The following PALD1 variants were observed in gnomAD, a reference collection of about 807,000 sequenced individuals.
PALD1 encodes the protein phosphatase domain containing paladin 1.
PALD1 carries 57 observed loss-of-function variants against 96.0 expected under a neutral mutation model. The observed-to-expected ratio is 0.59, with a 90% CI of 0.48 to 0.74. The LOEUF is 0.74. Among genes scored for constraint, PALD1 ranks in the 30% least tolerant of loss-of-function variants. PALD1 has a pLI of 0.00. For missense variants in PALD1, 1,063 were observed against 1,143.7 expected (o/e 0.93, Z 1.02); for synonymous variants, 464 against 473.6 (o/e 0.98, Z 0.26).
In PALD1 at chr10:70,512,297, A is replaced by AT. The variant is rs554442407; in HGVS notation, c.-29-13621dup. ...TTCTGGGGGATGAAGGCATTGTGAG[A>AT]TTTTTGATTAAATCTGGGCCATTTC... On this transcript the variant is annotated intron_variant, in intron 1 of 19. Transcript: ENST00000263563. Among the ~76,000 whole-genome samples, 230 of 152,284 alleles carry AT rather than the reference A, an allele frequency of 1.5e-3. 1 individual carries two copies. Among genetic ancestry groups the AT allele is most frequent in the African/African-American group, 5.0e-3 (209 of 41,544 alleles).
intron 1 of PALD1, among the ~76,000 whole-genome samples, chr10:70,508,261 A>G (rs1846434108): frequency 1.3e-5 from 2 of 152,154 alleles, no homozygotes; most frequent in Admixed American, 6.5e-5. Flanking sequence ...AGACTGCAAA[A>G]CACCCTGCTC....
At chr10:70,558,221 C>T (rs1261703079) in intron 18 of PALD1, among the ~76,000 whole-genome samples, 1 of 152,054 alleles carries the variant, frequency 6.6e-6, no homozygotes, top group African/African-American at 2.4e-5. Context: ...GAGTCCAGGT[C>T]TTCAAGCATG....
At chr10:70,529,464 C>G in intron 3 of PALD1, 133 bp downstream of exon 3, 1 of 620,046 alleles carries the variant, frequency 1.6e-6, no homozygotes. Context: ...ACGGGCAGGG[C>G]CCTAGGATGG....
At chr10:70,490,227 C>G (rs548928057) in intron 1 of PALD1, among the ~76,000 whole-genome samples, 27 of 152,064 alleles carry the variant, frequency 1.8e-4, no homozygotes, top group African/African-American at 6.5e-4. Flanking sequence ...CTGGCCCTCT[C>G]TCTCTCTCTC....
At chr10:70,464,127 T>C in the PALD1 span, among the ~76,000 whole-genome samples, 1 of 152,096 alleles carries the variant, frequency 6.6e-6, no homozygotes, top group Admixed American at 6.6e-5. Flanking sequence ...CTTCTGGCCT[T>C]GATGATTGTC....
At chr10:70,552,039 C>T (rs1847491158) in intron 18 of PALD1, among the ~76,000 whole-genome samples, 1 of 152,232 alleles carries the variant, frequency 6.6e-6, no homozygotes, top group Non-Finnish European at 1.5e-5. Flanking sequence ...TCGCCACTCA[C>T]CTAGGCTGTG....
At chr10:70,551,850 G>T (rs1037115328) in intron 18 of PALD1, among the ~76,000 whole-genome samples, 1 of 152,210 alleles carries the variant, frequency 6.6e-6, no homozygotes, top group Non-Finnish European at 1.5e-5. Flanking sequence ...TGCACAGCAA[G>T]AATAAGGACA....
At chr10:70,480,998 C>T (rs1182808770) in intron 1 of PALD1, among the ~76,000 whole-genome samples, 2 of 152,186 alleles carry the variant, frequency 1.3e-5, no homozygotes, top group Admixed American at 6.5e-5. Context: ...GCGTGGGCCA[C>T]GTATGGGCTG....
At chr10:70,525,363 T>C (rs933507709) in intron 1 of PALD1, among the ~76,000 whole-genome samples, 2 of 152,164 alleles carry the variant, frequency 1.3e-5, no homozygotes, top group African/African-American at 4.8e-5. Flanking sequence ...GTATTTTCTT[T>C]GAACACTTGA....
chr10:70,551,490 C>A (rs2132423161), intron 18 of PALD1, among the ~76,000 whole-genome samples: 1 of 152,264 alleles, frequency 6.6e-6, no homozygotes, highest in East Asian at 1.9e-4. Context: ...TGTTCTAGGA[C>A]CAGTCCACAT....
Position 70,488,417 on chromosome 10 carries a change from G to A in PALD1, c.-30+9358G>A, listed in dbSNP as rs191975806. ...ATTACAGGCGTAAGCCACCATGCCT[G>A]GCCTAAAATAATCTTCACAAAATAT... On this transcript the variant is annotated intron_variant, in intron 1 of 19. Transcript: ENST00000263563. Among the ~76,000 whole-genome samples the A allele has an allele frequency of 2.0e-4, 30 of 152,266 alleles. 1 individual carries two copies. In the East Asian group the frequency reaches 5.2e-3, roughly 26 times the overall value.
intron 19 of PALD1, among the ~76,000 whole-genome samples, chr10:70,564,808 C>T (rs1238591419): frequency 6.6e-6 from 1 of 152,216 alleles, no homozygotes; most frequent in Non-Finnish European, 1.5e-5. Flanking sequence ...AGCAGGGCAG[C>T]CTCTGGGGGT....
intron 1 of PALD1, among the ~76,000 whole-genome samples, chr10:70,492,138 T>A (rs1846108956): frequency 6.6e-6 from 1 of 152,250 alleles, no homozygotes; most frequent in South Asian, 2.1e-4. Context: ...CTTGGTCATA[T>A]GGTAAGTCTT....
At chr10:70,505,184 C>A (rs560537789) in intron 1 of PALD1, among the ~76,000 whole-genome samples, 1 of 152,248 alleles carries the variant, frequency 6.6e-6, no homozygotes, top group South Asian at 2.1e-4. Flanking sequence ...GGGTGACACA[C>A]GCTTTCCAAA....
chr10:70,508,847 G>A (rs1564690597), intron 1 of PALD1, among the ~76,000 whole-genome samples: 13 of 132,256 alleles, frequency 9.8e-5, no homozygotes, highest in South Asian at 5.2e-4. Flanking sequence ...CGGAACCTGT[G>A]TGTGTGTGTG....
chr10:70,519,572 T>G (rs1397665269), intron 1 of PALD1, among the ~76,000 whole-genome samples: 2 of 141,426 alleles, frequency 1.4e-5, no homozygotes, highest in Admixed American at 6.8e-5. Context: ...TTTCTTTCTT[T>G]CTTTTTTTTT....
intron 10 of PALD1, 46 bp downstream of exon 10, chr10:70,534,889 C>A: frequency 7.9e-7 from 1 of 1,273,720 alleles, no homozygotes; most frequent in South Asian, 1.2e-5. Flanking sequence ...TCTGTGAGCC[C>A]TGCAGCCTGA....
chr10:70,467,060 G>T, the PALD1 span, among the ~76,000 whole-genome samples: 1 of 152,192 alleles, frequency 6.6e-6, no homozygotes. Context: ...CGGGCCTGGG[G>T]GTGCAGAAAG....
chr10:70,565,939 C>T (rs1847840416), intron 19 of PALD1, among the ~76,000 whole-genome samples: 1 of 152,216 alleles, frequency 6.6e-6, no homozygotes, highest in Non-Finnish European at 1.5e-5. Flanking sequence ...GCTGCCGGTC[C>T]AGGCAGAAGT....
Sources: allele counts gnomAD v4.1 joint callset (sites outside exome capture counted in the v4.1 genomes callset), GRCh38; gene constraint gnomAD v4.1.1; transcripts MANE v1.5; gene names NCBI Gene and HGNC (gene_info 2026-07-23, HGNC 2026-07-21).